WBP11: variants seen among roughly 807,000 people sequenced by gnomAD.
WBP11 encodes the protein WW domain binding protein 11.
WBP11 carries 12 observed loss-of-function variants against 66.7 expected under a neutral mutation model. The ratio of observed to expected loss-of-function variants is 0.18; its 90% confidence interval spans 0.12 to 0.29. The LOEUF is 0.29. Among genes scored for constraint, WBP11 ranks in the 10% least tolerant of loss-of-function variants. The pLI, the probability that WBP11 is intolerant of heterozygous loss-of-function variation, is 1.00. For missense variants in WBP11, 555 were observed against 818.3 expected (o/e 0.68, Z 3.93); for synonymous variants, 255 against 273.8 (o/e 0.93, Z 0.68).
chr12:14,797,714 A>C (rs1435254815), intron 4 of WBP11, among the ~76,000 whole-genome samples: 1 of 152,226 alleles, frequency 6.6e-6, no homozygotes, highest in East Asian at 1.9e-4. Context: ...TGAGATTTTA[A>C]ATGTAGATGT....
Position 14,801,458 on chromosome 12 carries a change from A to T in WBP11, c.-45-30T>A. On this transcript the variant is annotated intron_variant, in intron 1 of 11. Transcript: ENST00000261167. ...GAAGGTGAAGACAAAGAAATAGCTT[A>T]TATCTCCTAAATGTATTTCTTCCTT... is the stretch of plus-strand genomic sequence containing the variant. 5 of 1,403,714 alleles carry T rather than the reference A, an allele frequency of 3.6e-6. No homozygotes were observed. The South Asian group carries it at 5.8e-5, about 16-fold the overall frequency. The allele number at this position is 1,403,714 out of a possible 1,614,324, so 87.0% of individuals were successfully genotyped here. A position where few individuals can be genotyped will look rare whatever the true frequency, so the allele number is the denominator to read the frequency against.
chr12:14,801,258 C>T (rs937736492), intron 2 of WBP11, 62 bp downstream of exon 2: 3 of 1,516,018 alleles, frequency 2.0e-6, no homozygotes, highest in Non-Finnish European at 2.7e-6. Flanking sequence ...GAAAGAAATT[C>T]CCTAATATTT....
At chr12:14,790,133 G>C (rs1949804050) in intron 10 of WBP11, among the ~76,000 whole-genome samples, 1 of 152,176 alleles carries the variant, frequency 6.6e-6, no homozygotes, top group African/African-American at 2.4e-5. Flanking sequence ...TGCCAATTTA[G>C]AGCTAGGTCA....
rs1949995465 is a variant in WBP11, at chr12:14,803,333, A to G, written c.-46+19T>C. 2.5e-6 allele frequency: 1 copy of G among 398,260 alleles called. No homozygotes were observed. The allele number at this position is 398,260 out of a possible 1,614,324, so 24.7% of individuals were successfully genotyped here. A position where few individuals can be genotyped will look rare whatever the true frequency, so the allele number is the denominator to read the frequency against. ...CGAAAGAGGTGAGGAAGAGTAGTAAATCAATTCAATACACTCACACTTCTG... is the reference window on the plus strand; with the variant it reads ...CGAAAGAGGTGAGGAAGAGTAGTAAGTCAATTCAATACACTCACACTTCTG... On this transcript the variant is annotated intron_variant, in intron 1 of 11. Transcript: ENST00000261167.
chr12:14,797,088 A>G (rs1017628249), intron 4 of WBP11, 85 bp from the exon 5 acceptor site: 1 of 1,158,112 alleles, frequency 8.6e-7, no homozygotes. Flanking sequence ...AAACCTCCAT[A>G]TATGCTAAAA....
chr12:14,792,704 G>A (rs1429079111), intron 8 of WBP11, among the ~76,000 whole-genome samples: 1 of 151,904 alleles, frequency 6.6e-6, no homozygotes, highest in East Asian at 1.9e-4. Flanking sequence ...GTGGTGGCGG[G>A]TGCCTGTAAT....
rs1949895614 is a variant in WBP11 at position 14,796,485 on chromosome 12, A to C, written c.387+322T>G. Among the ~76,000 whole-genome samples, 2 of 152,280 alleles carry C rather than the reference A, an allele frequency of 1.3e-5. No individual in the cohort carries two copies. The highest frequency in any genetic ancestry group is 4.1e-4 in the South Asian group (2 of 4,826). On this transcript the variant is annotated intron_variant, in intron 5 of 11. Transcript: ENST00000261167. This position sits in a 1 kb window ranked among gnomAD's most constrained non-coding sequence, Gnocchi z 4.5. Reference sequence around the variant, plus strand: ...CTAATCTGAATATCTAAAATGCTCCAAAATCCTAAACTTTTTGACTCCCAT... The same window carrying C: ...CTAATCTGAATATCTAAAATGCTCCCAAATCCTAAACTTTTTGACTCCCAT...
In WBP11 at chr12:14,788,619, G is replaced by A. The variant is rs79575454; in HGVS notation, c.1492+332C>T. ...ATCTGCATGTCTAACCTTGACATTA[G>A]GTAGAGGTAAGGGAAAAAAACACTC... On this transcript the variant is annotated intron_variant, in intron 11 of 11. Transcript: ENST00000261167. Among the ~76,000 whole-genome samples, 11 of 152,268 alleles carry A rather than the reference G, an allele frequency of 7.2e-5. No homozygotes were observed. In the East Asian group the frequency reaches 1.4e-3, roughly 19 times the overall value.
chr12:14,794,761 A>G, intron 6 of WBP11, 25 bp from the exon 7 acceptor site: 2 of 1,534,160 alleles, frequency 1.3e-6, no homozygotes, highest in Non-Finnish European at 1.7e-6. Context: ...AACAAAAACA[A>G]AAAAACCCCC....
At chr12:14,789,214 G>T in intron 10 of WBP11, 81 bp from the exon 11 acceptor site, 1 of 1,292,674 alleles carries the variant, frequency 7.7e-7, no homozygotes, top group Non-Finnish European at 1.0e-6. Context: ...ACTCAAATAT[G>T]GTTTGACTTT....
intron 8 of WBP11, among the ~76,000 whole-genome samples, chr12:14,791,562 A>G (rs1949822447): frequency 6.6e-6 from 1 of 152,256 alleles, no homozygotes. Context: ...AAATTCAGCC[A>G]AACATTAAGT....
At chr12:14,799,846 C>A (rs980999749) in intron 3 of WBP11, 118 bp from the exon 4 acceptor site, 12 of 871,042 alleles carry the variant, frequency 1.4e-5, no homozygotes, top group Non-Finnish European at 2.0e-5. Flanking sequence ...TTTCAACCAC[C>A]AGAAACAGCT....
In WBP11 at chr12:14,787,061, G is replaced by A. The variant is rs1949761753; in HGVS notation, c.*4C>T. 1 of 1,607,726 alleles carries A rather than the reference G, an allele frequency of 6.2e-7. No homozygotes were observed. On this transcript the variant is annotated 3_prime_UTR_variant, in exon 12 of 12. Coordinates refer to ENST00000261167, the MANE Select transcript of WBP11 (RefSeq NM_016312.3). ...ACAGAAGCCTTTTCTGGCATCAAAA[G>A]CTGTCACAGTAGCCCTTCCATCTCT...
chr12:14,799,828 A>G (rs1442924605), intron 3 of WBP11, 100 bp from the exon 4 acceptor site: 1 of 1,116,524 alleles, frequency 9.0e-7, no homozygotes, highest in African/African-American at 1.6e-5. Context: ...TTGGCTTCTG[A>G]TCACTTGTTT....
chr12:14,795,508 G>A (rs1415876521), intron 5 of WBP11, among the ~76,000 whole-genome samples: 1 of 152,088 alleles, frequency 6.6e-6, no homozygotes, highest in Non-Finnish European at 1.5e-5. Context: ...GACGCAGGTC[G>A]ATCACAAGCT....
Position 14,787,513 on chromosome 12 carries a change from T to C in WBP11, c.1493-15A>G, listed in dbSNP as rs769331874. 2.0e-6 allele frequency: 3 copies of C among 1,490,664 alleles called. No homozygotes were observed. The highest frequency in any genetic ancestry group is 2.9e-5 in the South Asian group (2 of 67,942). The allele number at this position is 1,490,664 out of a possible 1,614,324, so 92.3% of individuals were successfully genotyped here. A position where few individuals can be genotyped will look rare whatever the true frequency, so the allele number is the denominator to read the frequency against. On this transcript the variant is annotated splice_polypyrimidine_tract_variant and intron_variant, in intron 11 of 11. Coordinates refer to ENST00000261167, the MANE Select transcript of WBP11 (RefSeq NM_016312.3). Reference sequence around the variant, plus strand: ...TGGAGGAATACCTAAATGAATAAAATAGGCAAGATGAATACTGTAAGAACT... The same window carrying C: ...TGGAGGAATACCTAAATGAATAAAACAGGCAAGATGAATACTGTAAGAACT...
Position 14,786,858 on chromosome 12 carries a change from C to A in WBP11, c.*207G>T. 1.8e-6 allele frequency: 1 copy of A among 551,120 alleles called. No homozygotes were observed. The highest frequency in any genetic ancestry group is 3.2e-6 in the Non-Finnish European group (1 of 314,648). 34.1% of individuals were successfully genotyped at this position (551,120 alleles called of 1,614,324 possible). A position where few individuals can be genotyped will look rare whatever the true frequency, so the allele number is the denominator to read the frequency against. On this transcript the variant is annotated 3_prime_UTR_variant, in exon 12 of 12. Coordinates refer to ENST00000261167, the MANE Select transcript of WBP11 (RefSeq NM_016312.3). ...TGAAAGGGAATGGATGTTAGCAGCA[C>A]TGCTTCAATAACTGATCTATTCTGG... is the stretch of plus-strand genomic sequence containing the variant.
chr12:14,791,387 C>A, intron 8 of WBP11, 117 bp from the exon 9 acceptor site: 1 of 706,690 alleles, frequency 1.4e-6, no homozygotes. Flanking sequence ...GGCAGAGGTG[C>A]AGGATGAGAT....
In WBP11 at chr12:14,787,400, G is replaced by A. The variant is rs1949764948; in HGVS notation, c.1591C>T (p.Pro531Ser). 9 of 1,582,282 alleles carry A rather than the reference G, an allele frequency of 5.7e-6. No homozygotes were observed. In the East Asian group the frequency reaches 1.8e-4, roughly 32 times the overall value. ...TTGGGTGGGGCACTTAAAACCCCAG[G>A]GTTTGGCAAGGGAGCTGGTGGGAAC... The part of the protein sequence containing the change: ...GLFPPAPLPN[P>S]GVLSAPPNLI... Residue 531 changes from proline to serine, a missense_variant, in exon 12 of 12, where the codon CCT (proline) becomes TCT (serine). Coordinates refer to ENST00000261167, the MANE Select transcript of WBP11 (RefSeq NM_016312.3).
Sources: allele counts gnomAD v4.1 joint callset (sites outside exome capture counted in the v4.1 genomes callset), GRCh38; gene constraint gnomAD v4.1.1; non-coding constraint Gnocchi (gnomAD v3.1); transcripts MANE v1.5; gene names NCBI Gene and HGNC (gene_info 2026-07-23, HGNC 2026-07-21).